PHACTR1: variants seen among roughly 807,000 people sequenced by gnomAD.
PHACTR1 encodes RPEL repeat containing 1.
A neutral mutation model predicts 69.2 loss-of-function variants in PHACTR1; 16 were observed. The ratio of observed to expected loss-of-function variants is 0.23; its 90% CI spans 0.16 to 0.35. PHACTR1 has a LOEUF of 0.35. Among genes scored for constraint, PHACTR1 ranks in the 10% least tolerant of loss-of-function variants. PHACTR1 has a pLI of 1.00. For missense variants in PHACTR1, 510 were observed against 734.7 expected (o/e 0.69, Z 3.54); for synonymous variants, 312 against 284.5 (o/e 1.10, Z -0.97).
At chr6:13,152,136 C>T (rs902503498) in intron 5 of PHACTR1, among the ~76,000 whole-genome samples, 1 of 152,042 alleles carries the variant, frequency 6.6e-6, no homozygotes, top group Non-Finnish European at 1.5e-5. Flanking sequence ...AGTTTGAGAC[C>T]AGCCTAGCCA....
intron 8 of PHACTR1, among the ~76,000 whole-genome samples, chr6:13,209,685 A>T (rs989106230): frequency 2.0e-5 from 3 of 152,222 alleles, no homozygotes; most frequent in Non-Finnish European, 4.4e-5. Context: ...GCCCCTGCTC[A>T]CAGCAGTGTT....
chr6:13,038,384 T>C (rs1454552591), intron 4 of PHACTR1, among the ~76,000 whole-genome samples: 1 of 150,224 alleles, frequency 6.7e-6, no homozygotes, highest in Non-Finnish European at 1.5e-5. Context: ...GGAAATTCCA[T>C]AATTTAACTC....
chr6:12,819,784 T>G (rs1051153485), intron 4 of PHACTR1, among the ~76,000 whole-genome samples: 2 of 152,220 alleles, frequency 1.3e-5, no homozygotes, highest in African/African-American at 4.8e-5. Context: ...GAGTTTAGGA[T>G]GAGTAATTAC....
chr6:12,993,175 G>C (rs1419938718), intron 4 of PHACTR1, among the ~76,000 whole-genome samples: 1 of 152,114 alleles, frequency 6.6e-6, no homozygotes, highest in African/African-American at 2.4e-5. Flanking sequence ...TGATTTTGGG[G>C]CTGCTTTTTA....
intron 4 of PHACTR1, among the ~76,000 whole-genome samples, chr6:12,880,554 C>A (rs1045318883): frequency 6.6e-6 from 1 of 152,184 alleles, no homozygotes; most frequent in East Asian, 1.9e-4. Context: ...CTGCACCTGG[C>A]CTAGAATTCA....
chr6:12,737,595 TTTC>T (rs1421990313), intron 3 of PHACTR1, among the ~76,000 whole-genome samples: 22 of 133,790 alleles, frequency 1.6e-4, no homozygotes, highest in South Asian at 1.3e-3. Flanking sequence ...TCTTTCTTTC[TTTC>T]TTTTTTTTTT....
At chr6:12,724,849 T>G (rs1762580681) in intron 3 of PHACTR1, among the ~76,000 whole-genome samples, 1 of 152,176 alleles carries the variant, frequency 6.6e-6, no homozygotes, top group Admixed American at 6.5e-5. Context: ...ACTCGGACAT[T>G]CAAATTACCT....
intron 5 of PHACTR1, among the ~76,000 whole-genome samples, chr6:13,115,926 A>G (rs144384517): frequency 1.3e-5 from 2 of 152,284 alleles, no homozygotes; most frequent in East Asian, 3.9e-4. Context: ...TTTCTCAGCT[A>G]AGCTGTCAAT....
At chr6:13,035,694 T>G (rs1261966457) in intron 4 of PHACTR1, among the ~76,000 whole-genome samples, 1 of 152,208 alleles carries the variant, frequency 6.6e-6, no homozygotes, top group Non-Finnish European at 1.5e-5. Flanking sequence ...GAAGAAACTA[T>G]TATTATTCTC....
intron 4 of PHACTR1, among the ~76,000 whole-genome samples, chr6:12,899,695 A>G (rs1220278274): frequency 1.3e-5 from 2 of 152,270 alleles, no homozygotes; most frequent in Non-Finnish European, 2.9e-5. Context: ...CTTTATGCTT[A>G]GGATAAGCCC....
At chr6:13,047,492 G>A (rs957320592) in intron 4 of PHACTR1, among the ~76,000 whole-genome samples, 1 of 151,628 alleles carries the variant, frequency 6.6e-6, no homozygotes, top group African/African-American at 2.4e-5. Context: ...GGTGAAATAA[G>A]GGAGGTATAT....
chr6:12,731,461 C>T (rs1312467676), intron 3 of PHACTR1, among the ~76,000 whole-genome samples: 2 of 152,192 alleles, frequency 1.3e-5, no homozygotes, highest in Non-Finnish European at 2.9e-5. Context: ...AAAAGCTAGA[C>T]CACATTCCAA....
chr6:12,734,392 C>G (rs368636720), intron 3 of PHACTR1, among the ~76,000 whole-genome samples: 1 of 152,062 alleles, frequency 6.6e-6, no homozygotes, highest in Non-Finnish European at 1.5e-5. Flanking sequence ...TTTCCTTTGC[C>G]AAATACTGCT....
chr6:13,277,737 C>T (rs1157251858), intron 11 of PHACTR1, among the ~76,000 whole-genome samples: 1 of 152,148 alleles, frequency 6.6e-6, no homozygotes, highest in Non-Finnish European at 1.5e-5. Context: ...TGCTTGATGC[C>T]AGGAGTTCAA....
chr6:13,245,055 CCT>C lies in PHACTR1; in HGVS notation c.1391+14865_1391+14866del, dbSNP rs1773408945. On this transcript the variant is annotated intron_variant, in intron 10 of 14. Transcript: ENST00000332995. This position sits in a 1 kb window ranked among gnomAD's most constrained non-coding sequence, Gnocchi z 4.1. Reference sequence around the variant, plus strand: ...TCTTCTGCCATGGTTTCAGCCGGTCCCTCTGTTTGGGGTCCCTGACTTCCCGC... The same window carrying C: ...TCTTCTGCCATGGTTTCAGCCGGTCCCTGTTTGGGGTCCCTGACTTCCCGC... Among the ~76,000 whole-genome samples the C allele has an allele frequency of 6.6e-6, 1 of 152,220 alleles. No individual in the cohort carries two copies. Among genetic ancestry groups the C allele is most frequent in the Non-Finnish European group, 1.5e-5 (1 of 68,042 alleles).
chr6:12,884,253 A>G (rs777836711), intron 4 of PHACTR1, among the ~76,000 whole-genome samples: 3 of 152,170 alleles, frequency 2.0e-5, no homozygotes, highest in African/African-American at 7.2e-5. Flanking sequence ...TCCCACTACT[A>G]TGCTCAGTCA....
intron 3 of PHACTR1, among the ~76,000 whole-genome samples, chr6:12,729,955 G>A (rs1309272234): frequency 6.6e-6 from 1 of 152,160 alleles, no homozygotes; most frequent in East Asian, 1.9e-4. Flanking sequence ...GGTGAATGAT[G>A]CAACCCTTCC....
chr6:13,221,479 G>A (rs528158473), intron 8 of PHACTR1, among the ~76,000 whole-genome samples: 1 of 152,222 alleles, frequency 6.6e-6, no homozygotes, highest in African/African-American at 2.4e-5. Context: ...TGCAACCATT[G>A]GGGGACCACT....
chr6:13,173,770 G>A (rs552201399), intron 6 of PHACTR1, among the ~76,000 whole-genome samples: 3 of 152,262 alleles, frequency 2.0e-5, no homozygotes, highest in South Asian at 2.1e-4. Context: ...ATGCAATGGC[G>A]CAATCTCGGC....
Sources: allele counts gnomAD v4.1 joint callset (sites outside exome capture counted in the v4.1 genomes callset), GRCh38; gene constraint gnomAD v4.1.1; non-coding constraint Gnocchi (gnomAD v3.1); transcripts MANE v1.5; gene names NCBI Gene and HGNC (gene_info 2026-07-23, HGNC 2026-07-21).